Variants in SLC31A2 observed in about 807,000 individuals in gnomAD.
The protein encoded by SLC31A2 is protein SLC31A2.
Under a neutral mutation model 14.4 loss-of-function variants are expected in SLC31A2, and 16 were observed. The ratio of observed to expected loss-of-function variants is 1.11; its 90% CI spans 0.75 to 1.69. The LOEUF is 1.69. Among genes scored for constraint, SLC31A2 ranks in the 40% most tolerant of loss-of-function variants. SLC31A2 has a pLI of 0.00. For missense variants in SLC31A2, 140 were observed against 173.9 expected, an observed-to-expected ratio of 0.81 and a Z score of 1.10; for synonymous variants, 56 against 68.7, an observed-to-expected ratio of 0.82 and a Z score of 0.91.
chr9:113,157,074 C>G (rs1484147691), intron 1 of SLC31A2, among the ~76,000 whole-genome samples: 1 of 152,198 alleles, frequency 6.6e-6, no homozygotes, highest in African/African-American at 2.4e-5. Flanking sequence ...AGCAAGCACC[C>G]TCTGAAAAGG....
At chr9:113,158,009 G>A (rs758110928) in intron 2 of SLC31A2, 45 of 636,580 alleles carry the variant, frequency 7.1e-5, no homozygotes, top group East Asian at 1.4e-4. Context: ...CACAAAGGCC[G>A]AGAGGCAGGG....
chr9:113,153,970 C>CTGT (rs1433063917), intron 1 of SLC31A2, among the ~76,000 whole-genome samples: 6 of 152,086 alleles, frequency 3.9e-5, no homozygotes, highest in African/African-American at 1.4e-4. Flanking sequence ...GGCACACTCA[C>CTGT]TGTTATTGTT....
rs562328566 is a variant in SLC31A2, at chr9:113,159,496, T to C, written c.73+1703T>C. ...TTCACCATGTACATGAAATTACCTA[T>C]AATTTTATGTTTTAAAAACCTGCAT... On this transcript the variant is annotated intron_variant, in intron 2 of 3. Coordinates refer to ENST00000259392, the MANE Select transcript of SLC31A2 (RefSeq NM_001860.3). 2.0e-5 allele frequency among the ~76,000 whole-genome samples: 3 copies of C among 152,298 alleles called. No homozygotes were observed. In the East Asian group the frequency reaches 5.8e-4, roughly 29 times the overall value.
rs1253358774 is a variant in SLC31A2, at chr9:113,151,332, C to T, written c.6+252C>T. 6.6e-6 allele frequency among the ~76,000 whole-genome samples: 1 copy of T among 151,910 alleles called. No individual in the cohort carries two copies. The highest frequency in any genetic ancestry group is 2.4e-5 in the African/African-American group (1 of 41,380). On this transcript the variant is annotated intron_variant, in intron 1 of 3. Coordinates refer to ENST00000259392, the MANE Select transcript of SLC31A2 (RefSeq NM_001860.3). The surrounding 1 kb of genome is among the most constrained non-coding windows in gnomAD (Gnocchi z 4.2). ...GCTAGGCGAGCAGTTACCGAGCGCC[C>T]GCGGTGGCGCGGCTTGAGAGTGGGG... is the stretch of plus-strand genomic sequence containing the variant.
rs1830048055 is a variant in SLC31A2 at position 113,163,367 on chromosome 9, T to C, written c.*450T>C. 1 of 153,502 alleles carries C rather than the reference T, an allele frequency of 6.5e-6. No individual in the cohort carries two copies. Among genetic ancestry groups the C allele is most frequent in the Admixed American group, 6.5e-5 (1 of 15,316 alleles). The allele number at this position is 153,502 out of a possible 1,614,324, so 9.5% of individuals were successfully genotyped here. A position where few individuals can be genotyped will look rare whatever the true frequency, so the allele number is the denominator to read the frequency against. On this transcript the variant is annotated 3_prime_UTR_variant, in exon 4 of 4. Coordinates refer to ENST00000259392, the MANE Select transcript of SLC31A2 (RefSeq NM_001860.3). ...GCCCATTGGACTTCCTGACCTCTTCTGTCTTTGAGGGACAGAGACCAAGCT... is the reference window on the plus strand; with the variant it reads ...GCCCATTGGACTTCCTGACCTCTTCCGTCTTTGAGGGACAGAGACCAAGCT...
intron 1 of SLC31A2, among the ~76,000 whole-genome samples, chr9:113,157,506 CAT>C (rs1489219410): frequency 1.3e-5 from 2 of 152,222 alleles, no homozygotes; most frequent in Admixed American, 6.5e-5. Context: ...CCTCTATTCT[CAT>C]ATGGAGCATG....
intron 1 of SLC31A2, among the ~76,000 whole-genome samples, chr9:113,156,551 T>C (rs1050369263): frequency 1.3e-5 from 2 of 152,212 alleles, no homozygotes; most frequent in African/African-American, 4.8e-5. Context: ...ATTCTAATAT[T>C]TGGCCATTGT....
chr9:113,162,283 C>G, intron 3 of SLC31A2: 1 of 234,174 alleles, frequency 4.3e-6, no homozygotes, highest in South Asian at 5.2e-5. Context: ...TCCTGTTTTA[C>G]TGATAAGGAA....
intron 1 of SLC31A2, among the ~76,000 whole-genome samples, chr9:113,157,037 C>T (rs1221666371): frequency 6.6e-6 from 1 of 152,166 alleles, no homozygotes; most frequent in Non-Finnish European, 1.5e-5. Context: ...AGAAAAAGCC[C>T]TTGATGCCAC....
chr9:113,153,670 T>C (rs1258464219), intron 1 of SLC31A2, among the ~76,000 whole-genome samples: 2 of 152,208 alleles, frequency 1.3e-5, no homozygotes. Context: ...TACAGGCACA[T>C]GCAGTCCCTC....
At chr9:113,153,164 T>A (rs1475739291) in intron 1 of SLC31A2, among the ~76,000 whole-genome samples, 3 of 151,720 alleles carry the variant, frequency 2.0e-5, no homozygotes, top group Non-Finnish European at 4.4e-5. Context: ...CTCTGAGTAG[T>A]AAGACTCAAA....
chr9:113,161,821 C>A, intron 3 of SLC31A2, 123 bp downstream of exon 3: 1 of 1,110,480 alleles, frequency 9.0e-7, no homozygotes, highest in Non-Finnish European at 1.3e-6. Flanking sequence ...AGGACCAGGA[C>A]TTGCCAAAGT....
intron 1 of SLC31A2, among the ~76,000 whole-genome samples, chr9:113,153,178 A>G (rs989268606): frequency 6.9e-6 from 1 of 144,342 alleles, no homozygotes; most frequent in Admixed American, 6.9e-5. Context: ...ACTCAAAATG[A>G]TTTTTTACTT....
At chr9:113,160,927 A>G (rs1265899413) in intron 2 of SLC31A2, 1 of 152,304 alleles carries the variant, frequency 6.6e-6, no homozygotes, top group Non-Finnish European at 1.5e-5. Flanking sequence ...CTTTAGCTGG[A>G]CCACTTATTA....
chr9:113,163,664 T>C lies in SLC31A2; in HGVS notation c.*747T>C, dbSNP rs905105809. 2.7e-5 allele frequency: 4 copies of C among 147,142 alleles called. No individual in the cohort carries two copies. The highest frequency in any genetic ancestry group is 9.7e-5 in the African/African-American group (4 of 41,178). 9.1% of individuals were successfully genotyped at this position (147,142 alleles called of 1,614,324 possible). A position where few individuals can be genotyped will look rare whatever the true frequency, so the allele number is the denominator to read the frequency against. ...GGACTGCTTTCAGGCTCCTGGTTTA[T>C]TCTCTGATAGACTGAGCTCCTTCCA... On this transcript the variant is annotated 3_prime_UTR_variant, in exon 4 of 4. Coordinates refer to ENST00000259392, the MANE Select transcript of SLC31A2 (RefSeq NM_001860.3).
chr9:113,160,277 C>G (rs549397818), intron 2 of SLC31A2, among the ~76,000 whole-genome samples: 5 of 152,116 alleles, frequency 3.3e-5, no homozygotes, highest in South Asian at 2.1e-4. Context: ...TTCAGAGCCT[C>G]CAGGCCCTCC....
chr9:113,157,690 C>G (rs777444514), intron 1 of SLC31A2, 37 bp from the exon 2 acceptor site: 10 of 1,548,360 alleles, frequency 6.5e-6, no homozygotes, highest in Non-Finnish European at 8.9e-6. Context: ...CTTCCACTGC[C>G]CTGTGCCCCT....
chr9:113,156,226 A>G, intron 1 of SLC31A2: 1 of 482,338 alleles, frequency 2.1e-6, no homozygotes, highest in South Asian at 1.5e-5. Context: ...CTCACTCCAT[A>G]TCTTCCTCCC....
intron 1 of SLC31A2, among the ~76,000 whole-genome samples, chr9:113,156,654 C>T (rs1229929019): frequency 6.6e-6 from 1 of 152,176 alleles, no homozygotes; most frequent in East Asian, 1.9e-4. Context: ...ACTGCTTGTG[C>T]TAGCTGAGGG....
Sources: gnomAD v4.1 joint callset for allele counts (sites outside exome capture counted in the v4.1 genomes callset) on GRCh38, gnomAD v4.1.1 for gene constraint, Gnocchi (gnomAD v3.1) non-coding constraint, MANE v1.5 for transcripts, NCBI Gene and HGNC (gene_info 2026-07-23, HGNC 2026-07-21) for gene names.